Variants in COL21A1 observed in about 807,000 individuals in gnomAD.
COL21A1 encodes the protein collagen type XXI alpha 1 chain.
A neutral mutation model predicts 137.9 loss-of-function variants in COL21A1; 149 were observed. That is an observed-to-expected ratio of 1.08 (90% confidence interval 0.95 to 1.24). The LOEUF (loss-of-function observed/expected upper bound fraction) is 1.24, where lower values mean the gene tolerates loss of function less well. Among genes scored for constraint, COL21A1 ranks in the 50% most tolerant of loss-of-function variants. COL21A1 has a pLI of 0.00. For missense variants in COL21A1, 1,167 were observed against 1,158.4 expected (o/e 1.01, Z -0.11); for synonymous variants, 456 against 391.5 (o/e 1.16, Z -1.95).
chr6:56,174,979 A>C (rs1373078926), intron 3 of COL21A1, among the ~76,000 whole-genome samples: 1 of 152,102 alleles, frequency 6.6e-6, no homozygotes, highest in Non-Finnish European at 1.5e-5. Flanking sequence ...GGAATTATCC[A>C]CAGGATGAAA....
intron 16 of COL21A1, among the ~76,000 whole-genome samples, chr6:56,110,803 T>G (rs902220015): frequency 6.6e-6 from 1 of 152,206 alleles, no homozygotes; most frequent in East Asian, 1.9e-4. Flanking sequence ...TATGAAACTT[T>G]GCTGAGATAA....
chr6:56,147,467 G>A (rs995309601), intron 10 of COL21A1, among the ~76,000 whole-genome samples: 1 of 151,570 alleles, frequency 6.6e-6, no homozygotes, highest in Non-Finnish European at 1.5e-5. Context: ...ACTGAGTGAG[G>A]AACAGAATAA....
chr6:56,341,142 C>T (rs1287113312), intron 1 of COL21A1, among the ~76,000 whole-genome samples: 1 of 151,812 alleles, frequency 6.6e-6, no homozygotes, highest in Non-Finnish European at 1.5e-5. Flanking sequence ...CTTCCATGCT[C>T]CAGAAGAGAA....
chr6:56,174,838 A>T (rs1777330622), intron 3 of COL21A1, among the ~76,000 whole-genome samples: 1 of 152,084 alleles, frequency 6.6e-6, no homozygotes, highest in Non-Finnish European at 1.5e-5. Flanking sequence ...CCAAAGCCAG[A>T]AAAAGATACC....
At chr6:56,125,387 G>C in intron 14 of COL21A1, 180 bp downstream of exon 14, 1 of 431,832 alleles carries the variant, frequency 2.3e-6, no homozygotes, top group Non-Finnish European at 4.1e-6. Flanking sequence ...ATACATAGCA[G>C]TCTGCAGTCA....
In COL21A1 at chr6:56,220,617, C is replaced by T. The variant is rs536469384; in HGVS notation, c.-39+26770G>A. On this transcript the variant is annotated intron_variant, in intron 1 of 29. Coordinates refer to ENST00000244728, the MANE Select transcript of COL21A1 (RefSeq NM_030820.4). ...CAGAGTCGGAAGGACACAAGATGTC[C>T]GCACTGTACTTGAACTTATCCGAGA... Among the ~76,000 whole-genome samples the T allele has an allele frequency of 8.5e-5, 13 of 152,136 alleles. No individual in the cohort carries two copies. The South Asian group carries it at 1.2e-3, about 15-fold the overall frequency.
Position 56,168,162 on chromosome 6 carries a change from G to A in COL21A1, c.1162C>T (p.Gln388Ter). The A allele has an allele frequency of 2.0e-6, 3 of 1,538,450 alleles. No homozygotes were observed. The highest frequency in any genetic ancestry group is 2.6e-6 in the Non-Finnish European group (3 of 1,138,566). ...TCTTTTCCAGAATATTTTCCAATTT[G>A]GGTTTGCCCATTGATCAAGATCCCT... is the stretch of plus-strand genomic sequence containing the variant. ...VLGILINGQT[Q>*]IGKYSGKEET... is the part of the protein sequence containing the mutation. The change falls in exon 6 of 30, where the codon CAA becomes TAA. Residue 388 changes from glutamine (Q) to a stop codon, truncating the protein, a stop_gained. Transcript: ENST00000244728. LOFTEE classifies it high-confidence loss of function.
chr6:56,283,743 C>G (rs1582755163), intron 1 of COL21A1, among the ~76,000 whole-genome samples: 2 of 152,214 alleles, frequency 1.3e-5, no homozygotes, highest in South Asian at 4.1e-4. Context: ...GGAGGAGGAA[C>G]TAAATTTTTA....
intron 9 of COL21A1, among the ~76,000 whole-genome samples, chr6:56,157,568 T>G (rs1361685539): frequency 6.6e-6 from 1 of 152,134 alleles, no homozygotes; most frequent in Non-Finnish European, 1.5e-5. Flanking sequence ...GCCTCAGCCT[T>G]CCAAACTGCT....
At chr6:56,217,881 T>C (rs1308073593) in intron 1 of COL21A1, among the ~76,000 whole-genome samples, 3 of 152,066 alleles carry the variant, frequency 2.0e-5, no homozygotes, top group African/African-American at 7.2e-5. Context: ...AAGCACCAGG[T>C]ATGTGATCCT....
chr6:56,096,325 T>C (rs1340178117), intron 17 of COL21A1, among the ~76,000 whole-genome samples: 3 of 152,194 alleles, frequency 2.0e-5, no homozygotes, highest in Admixed American at 6.5e-5. Context: ...GATTAATTAA[T>C]CTTCATATTC....
intron 1 of COL21A1, among the ~76,000 whole-genome samples, chr6:56,299,591 GA>G (rs564408744): frequency 6.6e-6 from 1 of 151,824 alleles, no homozygotes; most frequent in African/African-American, 2.4e-5. Flanking sequence ...AGACTCATAT[GA>G]AAAAAAGACA....
At chr6:56,386,730 T>C (rs1407597152) in intron 1 of COL21A1, among the ~76,000 whole-genome samples, 1 of 152,154 alleles carries the variant, frequency 6.6e-6, no homozygotes, top group African/African-American at 2.4e-5. Flanking sequence ...AATAACTGAA[T>C]TTGAAGGTTG....
intron 16 of COL21A1, 46 bp from the exon 17 acceptor site, chr6:56,101,571 T>G: frequency 1.5e-6 from 2 of 1,351,540 alleles, no homozygotes; most frequent in Non-Finnish European, 2.1e-6. Flanking sequence ...AGTTTTGAGG[T>G]CTGCTTACCA....
At chr6:56,314,266 A>ATCAC (rs1449319858) in intron 1 of COL21A1, among the ~76,000 whole-genome samples, 6 of 152,268 alleles carry the variant, frequency 3.9e-5, no homozygotes, top group Middle Eastern at 6.8e-3. Context: ...TACAGGCGTG[A>ATCAC]GCCACCGCAC....
chr6:56,238,135 C>G (rs1267937371), intron 1 of COL21A1, among the ~76,000 whole-genome samples: 1 of 152,010 alleles, frequency 6.6e-6, no homozygotes, highest in Non-Finnish European at 1.5e-5. Flanking sequence ...TCAAAGTACT[C>G]TACTATAAGC....
At chr6:56,269,054 A>G (rs2152332051) in intron 1 of COL21A1, among the ~76,000 whole-genome samples, 1 of 152,364 alleles carries the variant, frequency 6.6e-6, no homozygotes. Flanking sequence ...AAATCAACTC[A>G]CATAAAAATA....
At chr6:56,069,187 C>T (rs1184945913) in intron 21 of COL21A1, 70 bp from the exon 22 acceptor site, 1 of 897,814 alleles carries the variant, frequency 1.1e-6, no homozygotes, top group African/African-American at 1.8e-5. Flanking sequence ...GTTTTTATCT[C>T]TACATATCTC....
intron 16 of COL21A1, among the ~76,000 whole-genome samples, chr6:56,118,135 C>G (rs539009252): frequency 1.9e-4 from 4 of 21,158 alleles, no homozygotes; most frequent in African/African-American, 7.4e-4. Context: ...ATCAATGAAA[C>G]AAAAAGTTGT....
Sources: gnomAD v4.1 joint callset for allele counts (sites outside exome capture counted in the v4.1 genomes callset) on GRCh38, gnomAD v4.1.1 for gene constraint, MANE v1.5 for transcripts, NCBI Gene and HGNC (gene_info 2026-07-23, HGNC 2026-07-21) for gene names.